Variants in CDK8 observed in about 807,000 individuals in gnomAD.
CDK8 encodes the protein cyclin-dependent kinase 8.
Under a neutral mutation model 71.5 loss-of-function variants are expected in CDK8, and 29 were observed. The observed-to-expected ratio is 0.41, with a 90% CI of 0.30 to 0.55. The LOEUF is 0.55. CDK8 is among the 20% of genes least tolerant of loss of function. The probability of loss-of-function intolerance (pLI) is 0.37; values close to 1 mark genes in which losing one functional copy is unlikely to be tolerated. For missense variants in CDK8, 288 were observed against 572.6 expected, an observed-to-expected ratio of 0.50 and a Z score of 5.07; for synonymous variants, 161 against 192.1, an observed-to-expected ratio of 0.84 and a Z score of 1.34.
At chr13:26,285,732 C>A (rs1033803533) in intron 1 of CDK8, among the ~76,000 whole-genome samples, 1 of 152,074 alleles carries the variant, frequency 6.6e-6, no homozygotes, top group Non-Finnish European at 1.5e-5. Flanking sequence ...TGATCATATA[C>A]CTAGAAAACC....
intron 1 of CDK8, among the ~76,000 whole-genome samples, chr13:26,283,380 C>T (rs181092626): frequency 9.3e-4 from 141 of 152,220 alleles, no homozygotes; most frequent in South Asian, 1.9e-3. Flanking sequence ...GAGGCCGAGG[C>T]GGGCGGATCA....
At chr13:26,345,227 AATTTTAGG>A (rs936003569) in intron 2 of CDK8, among the ~76,000 whole-genome samples, 4 of 152,106 alleles carry the variant, frequency 2.6e-5, no homozygotes, top group African/African-American at 9.7e-5. Flanking sequence ...TCAGCATAGG[AATTTTAGG>A]GGAACACAGT....
Position 26,336,550 on chromosome 13 carries a change from C to CTTTTTTTTTT in CDK8, c.129-1005_129-996dup, listed in dbSNP as rs1227344754. On this transcript the variant is annotated intron_variant, in intron 1 of 12. Coordinates refer to ENST00000381527, the MANE Select transcript of CDK8 (RefSeq NM_001260.3). The stretch of plus-strand genomic sequence containing the variant: ...TCAGATGGCATTTTCTCTGAGGAGT[C>CTTTTTTTTTT]TTTTTTTTTTTTTTTTTTTTTGAGA... Among the ~76,000 whole-genome samples the CTTTTTTTTTT allele has an allele frequency of 5.0e-5, 6 of 121,186 alleles. 1 individual carries two copies. Among genetic ancestry groups the CTTTTTTTTTT allele is most frequent in the African/African-American group, 1.9e-4 (6 of 31,108 alleles). 79.5% of individuals were successfully genotyped at this position (121,186 alleles called of 152,430 possible).
At chr13:26,403,817 T>G in intron 12 of CDK8, 139 bp from the exon 13 acceptor site, 1 of 1,042,992 alleles carries the variant, frequency 9.6e-7, no homozygotes, top group Middle Eastern at 2.3e-4. Flanking sequence ...GGTTTTTGTC[T>G]TTAATTATAA....
At chr13:26,368,527 G>GA (rs1874502272) in intron 4 of CDK8, among the ~76,000 whole-genome samples, 1 of 152,170 alleles carries the variant, frequency 6.6e-6, no homozygotes, top group South Asian at 2.1e-4. Flanking sequence ...TCACACCACG[G>GA]AGGCTGAGAC....
intron 6 of CDK8, 47 bp downstream of exon 6, chr13:26,385,389 A>T (rs755886278): frequency 6.9e-6 from 10 of 1,457,638 alleles, no homozygotes; most frequent in Non-Finnish European, 9.4e-6. Context: ...AAGTTTCTTT[A>T]AAAGACACAC....
Position 26,254,674 on chromosome 13 carries a change from C to T in CDK8, c.33C>T (p.Ser11=), listed in dbSNP as rs1409539868. 1 of 1,612,248 alleles carries T rather than the reference C, an allele frequency of 6.2e-7. No individual in the cohort carries two copies. Residue 11 remains serine (S), a synonymous_variant, in exon 1 of 13, where the codon AGC becomes AGT. Coordinates refer to ENST00000381527, the MANE Select transcript of CDK8 (RefSeq NM_001260.3). The surrounding 1 kb of genome is among the most constrained non-coding windows in gnomAD (Gnocchi z 6.7). ...ATGACTTTAAAGTGAAGCTGAGCAG[C>T]GAGCGGGAGCGGGTCGAGGACCTGT... MDYDFKVKLS[S]ERERVEDLFE...
At position 26,401,281 on chromosome 13, in the gene CDK8, T is replaced by C. The variant is rs758792449; in HGVS notation, c.1044T>C (p.Gly348=). 1.2e-6 allele frequency: 2 copies of C among 1,613,814 alleles called. No individual in the cohort carries two copies. Among genetic ancestry groups the C allele is most frequent in the African/African-American group, 2.7e-5 (2 of 75,034 alleles). ...TTCTTATGATCAGCGTTTTTGCCGGTTGTCAAATCCCTTACCCAAAACGAG... is the reference window on the plus strand; with the variant it reads ...TTCTTATGATCAGCGTTTTTGCCGGCTGTCAAATCCCTTACCCAAAACGAG... The part of the protein sequence containing the change: ...DPLPTSDVFA[G]CQIPYPKREF... Residue 348 remains glycine (G), a synonymous_variant, in exon 11 of 13, where the codon GGT becomes GGC. Coordinates refer to ENST00000381527, the MANE Select transcript of CDK8 (RefSeq NM_001260.3). This position sits in a 1 kb window ranked among gnomAD's most constrained non-coding sequence, Gnocchi z 4.5.
chr13:26,272,823 A>G (rs1282084186), intron 1 of CDK8, among the ~76,000 whole-genome samples: 1 of 152,152 alleles, frequency 6.6e-6, no homozygotes, highest in Non-Finnish European at 1.5e-5. Flanking sequence ...AGGTGAGAAG[A>G]ATTTTTCAGC....
chr13:26,272,060 G>A (rs150273126), intron 1 of CDK8, among the ~76,000 whole-genome samples: 282 of 151,822 alleles, frequency 1.9e-3, no homozygotes, highest in African/African-American at 6.5e-3. Flanking sequence ...TTAGCCTCCT[G>A]TAATTGAGTA....
Position 26,284,471 on chromosome 13 carries a change from G to C in CDK8, c.128+29702G>C, listed in dbSNP as rs528046460. On this transcript the variant is annotated intron_variant, in intron 1 of 12. Coordinates refer to ENST00000381527, the MANE Select transcript of CDK8 (RefSeq NM_001260.3). ...GGGAAATACTACAACTGATACCACA[G>C]AAATATAAAAGATTATTCAAGTTTA... is the stretch of plus-strand genomic sequence containing the variant. 2.0e-5 allele frequency among the ~76,000 whole-genome samples: 3 copies of C among 152,168 alleles called. No individual in the cohort carries two copies. The South Asian group carries it at 6.2e-4, about 32-fold the overall frequency.
chr13:26,348,015 C>T (rs1873528737), intron 2 of CDK8, among the ~76,000 whole-genome samples: 1 of 151,722 alleles, frequency 6.6e-6, no homozygotes, highest in East Asian at 1.9e-4. Flanking sequence ...ATCACAATAA[C>T]CAGAGGTGAA....
chr13:26,371,612 G>A (rs1475284134), intron 4 of CDK8, among the ~76,000 whole-genome samples: 10 of 152,070 alleles, frequency 6.6e-5, no homozygotes, highest in Admixed American at 2.6e-4. Flanking sequence ...ATAGAAACAC[G>A]TGTACCTTGA....
At chr13:26,375,041 A>G (rs945997158) in intron 4 of CDK8, among the ~76,000 whole-genome samples, 1 of 152,158 alleles carries the variant, frequency 6.6e-6, no homozygotes, top group Non-Finnish European at 1.5e-5. Flanking sequence ...TCATATCAGA[A>G]AAGTAATTTT....
At chr13:26,398,002 G>A (rs1876074669) in intron 9 of CDK8, among the ~76,000 whole-genome samples, 8 of 152,040 alleles carry the variant, frequency 5.3e-5, no homozygotes, top group Admixed American at 4.6e-4. Flanking sequence ...CTTTCACCTT[G>A]AAGAGGTTAA....
intron 1 of CDK8, among the ~76,000 whole-genome samples, chr13:26,313,791 G>C (rs780324456): frequency 4.6e-5 from 7 of 152,178 alleles, no homozygotes; most frequent in Non-Finnish European, 1.0e-4. Context: ...GGATAAGGAG[G>C]CCTGTTAAAT....
chr13:26,340,569 A>G (rs952812376), intron 2 of CDK8, among the ~76,000 whole-genome samples: 1 of 152,092 alleles, frequency 6.6e-6, no homozygotes, highest in Non-Finnish European at 1.5e-5. Context: ...AATAATTCCC[A>G]TGTTTTCTGG....
intron 1 of CDK8, among the ~76,000 whole-genome samples, chr13:26,271,769 C>T (rs978676237): frequency 7.0e-6 from 1 of 143,566 alleles, no homozygotes; most frequent in Non-Finnish European, 1.5e-5. Context: ...CTAATTGTAC[C>T]ACTGTAGAGG....
At chr13:26,387,380 T>A (rs1390888474) in intron 6 of CDK8, among the ~76,000 whole-genome samples, 1 of 152,164 alleles carries the variant, frequency 6.6e-6, no homozygotes, top group Non-Finnish European at 1.5e-5. Context: ...TAAAACTGCT[T>A]GAGAACTTTG....
Sources: allele counts gnomAD v4.1 joint callset (sites outside exome capture counted in the v4.1 genomes callset), GRCh38; gene constraint gnomAD v4.1.1; non-coding constraint Gnocchi (gnomAD v3.1); transcripts MANE v1.5; gene names NCBI Gene and HGNC (gene_info 2026-07-23, HGNC 2026-07-21).